The following TENM3 variants were observed in gnomAD, a reference collection of about 807,000 sequenced individuals.
The protein encoded by TENM3 is teneurin transmembrane protein 3, also known as teneurin-3.
In TENM3, 63 loss-of-function variants were observed where a neutral mutation model predicts 255.1. The observed-to-expected ratio is 0.25, with a 90% CI of 0.20 to 0.30. The LOEUF (loss-of-function observed/expected upper bound fraction) is 0.30, where lower values mean the gene tolerates loss of function less well. Among genes scored for constraint, TENM3 ranks in the 10% least tolerant of loss-of-function variants. The probability of loss-of-function intolerance (pLI) is 1.00; values close to 1 mark genes in which losing one functional copy is unlikely to be tolerated. For missense variants in TENM3, 2,929 were observed against 3,461.1 expected, an observed-to-expected ratio of 0.85 and a Z score of 3.86; for synonymous variants, 1,306 against 1,322.3, an observed-to-expected ratio of 0.99 and a Z score of 0.27.
At chr4:182,156,494 A>C (rs1750714502) in intron 1 of TENM3, among the ~76,000 whole-genome samples, 1 of 149,020 alleles carries the variant, frequency 6.7e-6, no homozygotes, top group South Asian at 2.2e-4. Context: ...TAATTTTGCA[A>C]CCCTCCCCCT....
At chr4:181,543,212 A>T in the TENM3 span, among the ~76,000 whole-genome samples, 333 of 152,202 alleles carry the variant, frequency 2.2e-3, 1 homozygote, top group African/African-American at 7.4e-3. Context: ...ATTCCTTCAA[A>T]CGTGTGTACT....
At chr4:181,675,716 T>C in the TENM3 span, among the ~76,000 whole-genome samples, 1 of 152,090 alleles carries the variant, frequency 6.6e-6, no homozygotes, top group Admixed American at 6.6e-5. Flanking sequence ...ATGAAAATTA[T>C]CATTGCTCTA....
At chr4:182,716,735 T>A (rs1314889395) in intron 13 of TENM3, among the ~76,000 whole-genome samples, 1 of 152,192 alleles carries the variant, frequency 6.6e-6, no homozygotes, top group African/African-American at 2.4e-5. Flanking sequence ...GAACAGAATG[T>A]TTAGGAACTA....
Position 182,587,619 on chromosome 4 carries a change from C to A in TENM3, c.512-13305C>A, listed in dbSNP as rs149857305. On this transcript the variant is annotated intron_variant, in intron 3 of 27. Transcript: ENST00000511685. ...TAGAGATGGATTTTGTCATGTTGCCCAGGCTGGTCTTGAAATCGTGGTCTC... is the reference window on the plus strand; with the variant it reads ...TAGAGATGGATTTTGTCATGTTGCCAAGGCTGGTCTTGAAATCGTGGTCTC... Among the ~76,000 whole-genome samples, 550 of 152,160 alleles carry A rather than the reference C, an allele frequency of 3.6e-3. 4 individuals carry two copies. The highest frequency in any genetic ancestry group is 0.012 in the African/African-American group (508 of 41,532).
intron 7 of TENM3, among the ~76,000 whole-genome samples, chr4:182,678,434 G>C (rs562453595): frequency 6.6e-6 from 1 of 152,152 alleles, no homozygotes; most frequent in Non-Finnish European, 1.5e-5. Flanking sequence ...GATCAAAGAT[G>C]TAAAGGCATC....
intron 1 of TENM3, among the ~76,000 whole-genome samples, chr4:182,273,654 T>C (rs1759799309): frequency 6.6e-6 from 1 of 152,190 alleles, no homozygotes; most frequent in Admixed American, 6.5e-5. Flanking sequence ...AGAAGGCAGG[T>C]GCAAAACAAT....
the TENM3 span, among the ~76,000 whole-genome samples, chr4:181,751,131 C>T: frequency 6.6e-6 from 1 of 152,078 alleles, no homozygotes; most frequent in African/African-American, 2.4e-5. Context: ...TTTATGTTTA[C>T]TGGGATACAT....
chr4:181,673,243 T>C, the TENM3 span, among the ~76,000 whole-genome samples: 42,655 of 151,942 alleles, frequency 0.28, 6,438 homozygotes, highest in African/African-American at 0.39. Flanking sequence ...AACATATTTC[T>C]ATGGGGAATG....
At chr4:182,350,180 A>C (rs1389464486) in intron 3 of TENM3, 1 of 155,178 alleles carries the variant, frequency 6.4e-6, no homozygotes, top group Non-Finnish European at 1.4e-5. Context: ...CAAGTTAAGA[A>C]GGTGCTAGAA....
At chr4:181,754,471 T>C in the TENM3 span, among the ~76,000 whole-genome samples, 1 of 152,052 alleles carries the variant, frequency 6.6e-6, no homozygotes, top group Non-Finnish European at 1.5e-5. Flanking sequence ...GGTGGAGAAA[T>C]GAGGAAATAT....
At chr4:182,354,988 A>G (rs1292017396) in intron 3 of TENM3, among the ~76,000 whole-genome samples, 2 of 152,208 alleles carry the variant, frequency 1.3e-5, no homozygotes, top group Non-Finnish European at 2.9e-5. Flanking sequence ...GTATTCCCTG[A>G]CGTCTAGAAG....
At chr4:182,579,724 T>C (rs1745301405) in intron 3 of TENM3, among the ~76,000 whole-genome samples, 1 of 152,150 alleles carries the variant, frequency 6.6e-6, no homozygotes, top group South Asian at 2.1e-4. Context: ...TCCGCCAATA[T>C]GGATTAATTT....
intron 5 of TENM3, among the ~76,000 whole-genome samples, chr4:182,651,897 A>G (rs894122267): frequency 1.3e-5 from 2 of 152,228 alleles, no homozygotes; most frequent in Non-Finnish European, 2.9e-5. Flanking sequence ...AGAATATCCT[A>G]AAACTACCAA....
At chr4:181,523,419 TAAA>T in the TENM3 span, among the ~76,000 whole-genome samples, 14,075 of 144,450 alleles carry the variant, frequency 0.097, 722 homozygotes, top group East Asian at 0.2. Context: ...ATTTTAAAAT[TAAA>T]AAAAAAAAAA....
chr4:182,654,265 G>C (rs535060124), intron 6 of TENM3, among the ~76,000 whole-genome samples: 1 of 152,194 alleles, frequency 6.6e-6, no homozygotes, highest in East Asian at 1.9e-4. Flanking sequence ...TTGGAACACT[G>C]TATTAATTTT....
the TENM3 span, among the ~76,000 whole-genome samples, chr4:181,851,612 G>A: frequency 0.036 from 5,412 of 151,794 alleles, 142 homozygotes; most frequent in Middle Eastern, 0.078. Flanking sequence ...ACGCACACAC[G>A]CACGCACGCA....
the TENM3 span, among the ~76,000 whole-genome samples, chr4:181,639,988 A>G: frequency 2.0e-5 from 3 of 152,188 alleles, no homozygotes; most frequent in African/African-American, 7.2e-5. Context: ...GATGCAGTGA[A>G]TACATTTATC....
rs549787876 is a variant in TENM3, at chr4:182,764,205, A to G, written c.4892+8946A>G. ...CCTCTTAGGTTTTGATAAGGTGGGA[A>G]GTTTTCTGTGCTTTTTGATCATCAA... On this transcript the variant is annotated intron_variant, in intron 22 of 27. Coordinates refer to ENST00000511685, the MANE Select transcript of TENM3 (RefSeq NM_001080477.4). Among the ~76,000 whole-genome samples the G allele has an allele frequency of 6.6e-5, 10 of 152,352 alleles. No individual in the cohort carries two copies. In the South Asian group the frequency reaches 1.7e-3, roughly 25 times the overall value.
At chr4:181,544,590 A>G in the TENM3 span, among the ~76,000 whole-genome samples, 1 of 140,746 alleles carries the variant, frequency 7.1e-6, no homozygotes, top group Non-Finnish European at 1.5e-5. Flanking sequence ...CATTCAAGGA[A>G]TACAAACATA....
Sources: gnomAD v4.1 joint callset for allele counts (sites outside exome capture counted in the v4.1 genomes callset) on GRCh38, gnomAD v4.1.1 for gene constraint, MANE v1.5 for transcripts, NCBI Gene and HGNC (gene_info 2026-07-23, HGNC 2026-07-21) for gene names.